ARHGAP12: variants seen among roughly 807,000 people sequenced by gnomAD.
ARHGAP12 encodes Rho GTPase activating protein 12, also known as rho GTPase-activating protein 12.
A neutral mutation model predicts 108.6 loss-of-function variants in ARHGAP12; 64 were observed. The observed-to-expected ratio is 0.59, with a 90% CI of 0.48 to 0.73. The LOEUF (loss-of-function observed/expected upper bound fraction) is 0.73. Ranked by LOEUF, ARHGAP12 falls within the 30% of genes least tolerant of loss-of-function variation. The pLI is 0.00. For synonymous variants in ARHGAP12, 312 were observed against 337.2 expected (o/e 0.93, Z 0.82); for missense variants, 940 against 1,005.9 (o/e 0.93, Z 0.89).
chr10:31,884,116 A>G (rs1838099557), intron 3 of ARHGAP12, among the ~76,000 whole-genome samples: 1 of 150,426 alleles, frequency 6.6e-6, no homozygotes, highest in Non-Finnish European at 1.5e-5. Context: ...AAAAAAAAGA[A>G]TTTAATTCTA....
chr10:31,864,955 C>G (rs1174749321), intron 3 of ARHGAP12, among the ~76,000 whole-genome samples: 1 of 152,034 alleles, frequency 6.6e-6, no homozygotes, highest in Non-Finnish European at 1.5e-5. Flanking sequence ...AGTGACTAAG[C>G]CTTAGAAATA....
chr10:31,813,491 T>C (rs73251498), intron 14 of ARHGAP12, among the ~76,000 whole-genome samples: 7,625 of 152,190 alleles, frequency 0.05, 639 homozygotes, highest in African/African-American at 0.17. Flanking sequence ...ATGAAGAATC[T>C]ATAATATAGA....
At position 31,910,548 on chromosome 10, in the gene ARHGAP12, A is replaced by G. The variant is rs1839300331; in HGVS notation, c.-95T>C. On this transcript the variant is annotated 5_prime_UTR_variant, in exon 2 of 20. Transcript: ENST00000344936. ...ACCTTAGAACAAGGAGATCTACACC[A>G]GTATCACATTTAAACCTGTAAAAAA... is the stretch of plus-strand genomic sequence containing the variant. The G allele has an allele frequency of 6.6e-6, 1 of 152,276 alleles. No individual in the cohort carries two copies. Among genetic ancestry groups the G allele is most frequent in the African/African-American group, 2.4e-5 (1 of 41,474 alleles). 9.4% of individuals were successfully genotyped at this position (152,276 alleles called of 1,614,324 possible).
intron 1 of ARHGAP12, among the ~76,000 whole-genome samples, chr10:31,916,326 G>A (rs1311862753): frequency 6.6e-6 from 1 of 151,556 alleles, no homozygotes; most frequent in African/African-American, 2.4e-5. Flanking sequence ...CTTTTTCCAC[G>A]TTTCAACAAC....
At position 31,845,613 on chromosome 10, in the gene ARHGAP12, T is replaced by A. The variant is rs148772853; in HGVS notation, c.1171-2027A>T. On this transcript the variant is annotated intron_variant, in intron 6 of 19. Transcript: ENST00000344936. Reference sequence around the variant, plus strand: ...CAGCCTGGCCAACATGGTAAAAGCCTGTCTCTACTAAAAATACAAAAATTA... The same window carrying A: ...CAGCCTGGCCAACATGGTAAAAGCCAGTCTCTACTAAAAATACAAAAATTA... 5.6e-4 allele frequency among the ~76,000 whole-genome samples: 85 copies of A among 152,228 alleles called. No individual in the cohort carries two copies. In the East Asian group the frequency reaches 0.015, roughly 27 times the overall value.
Position 31,908,315 on chromosome 10 carries a change from G to A in ARHGAP12, c.541C>T (p.Pro181Ser), listed in dbSNP as rs749504506. The A allele has an allele frequency of 5.0e-6, 8 of 1,614,128 alleles. No homozygotes were observed. The South Asian group carries it at 8.8e-5, about 18-fold the overall frequency. Reference sequence around the variant, plus strand: ...TCTACATCCAAGAACTCTGGACCGGGAAAATGACCAAATGAGCGTGTCCTA... The same window carrying A: ...TCTACATCCAAGAACTCTGGACCGGAAAAATGACCAAATGAGCGTGTCCTA... ...QNRTRSFGHFPGPEFLDVEKT... is the reference protein window; with the variant it reads ...QNRTRSFGHFSGPEFLDVEKT... The change falls in exon 3 of 20, where the codon CCC becomes TCC. Residue 181 changes from proline (P) to serine (S), a missense_variant. Transcript: ENST00000344936.
At chr10:31,912,607 AG>A (rs1413584615) in intron 1 of ARHGAP12, among the ~76,000 whole-genome samples, 1 of 152,228 alleles carries the variant, frequency 6.6e-6, no homozygotes, top group Non-Finnish European at 1.5e-5. Context: ...GAGAAGTAGG[AG>A]GGCAAAGGAG....
intron 6 of ARHGAP12, among the ~76,000 whole-genome samples, chr10:31,845,473 A>G (rs913850668): frequency 6.6e-6 from 1 of 152,182 alleles, no homozygotes; most frequent in African/African-American, 2.4e-5. Context: ...AAACTTTAGC[A>G]TAATGTGTCA....
chr10:31,880,119 T>C (rs1192902728), intron 3 of ARHGAP12, among the ~76,000 whole-genome samples: 13 of 152,362 alleles, frequency 8.5e-5, no homozygotes, highest in Admixed American at 7.8e-4. Context: ...GCTCAATAAA[T>C]ATTAAATGAG....
chr10:31,842,948 T>C (rs192040836), intron 7 of ARHGAP12, among the ~76,000 whole-genome samples: 2 of 152,026 alleles, frequency 1.3e-5, no homozygotes, highest in Non-Finnish European at 2.9e-5. Context: ...CTCAGACTGA[T>C]AAAAGAAGTG....
upstream of ARHGAP12, chr10:31,928,853 G>C (rs1326189421): frequency 1.3e-5 from 2 of 151,696 alleles, no homozygotes; most frequent in Non-Finnish European, 2.9e-5. Flanking sequence ...GAGCGCGCCG[G>C]CGCGGGGGCG....
rs1293098662 is a variant in ARHGAP12 at position 31,863,137 on chromosome 10, A to G, written c.685-1479T>C. 2.6e-5 allele frequency among the ~76,000 whole-genome samples: 4 copies of G among 152,210 alleles called. No homozygotes were observed. In the East Asian group the frequency reaches 5.8e-4, roughly 22 times the overall value. On this transcript the variant is annotated intron_variant, in intron 3 of 19. Coordinates refer to ENST00000344936, the MANE Select transcript of ARHGAP12 (RefSeq NM_018287.7). The stretch of plus-strand genomic sequence containing the variant: ...GGTAGTTATACATGTACTATATTCA[A>G]TGATGCAAATTCGACTATTTTCCTT...
intron 6 of ARHGAP12, among the ~76,000 whole-genome samples, chr10:31,852,286 TC>T (rs1290229570): frequency 1.3e-5 from 2 of 152,182 alleles, no homozygotes; most frequent in Non-Finnish European, 2.9e-5. Context: ...AAGGCCAATT[TC>T]AAGTTAACCC....
At chr10:31,916,225 T>C (rs1839550417) in intron 1 of ARHGAP12, among the ~76,000 whole-genome samples, 1 of 152,312 alleles carries the variant, frequency 6.6e-6, no homozygotes, top group Non-Finnish European at 1.5e-5. Context: ...TCTGCATACC[T>C]ACTGCCTGCT....
intron 4 of ARHGAP12, among the ~76,000 whole-genome samples, chr10:31,861,031 G>C (rs1837093411): frequency 1.3e-5 from 2 of 152,134 alleles, no homozygotes; most frequent in Non-Finnish European, 2.9e-5. Context: ...CTCCAGCCTG[G>C]GCAACAGAGC....
intron 1 of ARHGAP12, among the ~76,000 whole-genome samples, chr10:31,926,006 C>T (rs543488866): frequency 4.0e-5 from 6 of 151,172 alleles, no homozygotes; most frequent in African/African-American, 1.5e-4. Context: ...ATACTAGAAA[C>T]TTTAAGCACA....
intron 12 of ARHGAP12, among the ~76,000 whole-genome samples, chr10:31,819,204 G>A (rs1295470477): frequency 6.6e-6 from 1 of 152,046 alleles, no homozygotes; most frequent in Non-Finnish European, 1.5e-5. Context: ...ATGAGTCTTG[G>A]AAGAAAGGGA....
At chr10:31,847,250 A>G (rs1420672949) in intron 6 of ARHGAP12, among the ~76,000 whole-genome samples, 2 of 152,108 alleles carry the variant, frequency 1.3e-5, no homozygotes, top group Admixed American at 1.3e-4. Context: ...ATTCAAGTTC[A>G]GATTTTCCTG....
intron 8 of ARHGAP12, 145 bp downstream of exon 8, chr10:31,839,488 TGTTA>T: frequency 9.1e-7 from 1 of 1,093,710 alleles, no homozygotes; most frequent in Non-Finnish European, 1.3e-6. Context: ...AAAATCTGAT[TGTTA>T]AACTTATTTT....
Sources: gnomAD v4.1 joint callset for allele counts (sites outside exome capture counted in the v4.1 genomes callset) on GRCh38, gnomAD v4.1.1 for gene constraint, MANE v1.5 for transcripts, NCBI Gene and HGNC (gene_info 2026-07-23, HGNC 2026-07-21) for gene names.